ATP8B1: variants seen among roughly 807,000 people sequenced by gnomAD.
The protein encoded by ATP8B1 is phospholipid-transporting ATPase IC.
ATP8B1 carries 80 observed loss-of-function variants against 149.9 expected under a neutral mutation model. The observed-to-expected ratio is 0.53, with a 90% confidence interval of 0.45 to 0.64. The LOEUF (loss-of-function observed/expected upper bound fraction) is 0.64, where lower values mean the gene tolerates loss of function less well. Among genes scored for constraint, ATP8B1 ranks in the 30% least tolerant of loss-of-function variants. ATP8B1 has a pLI of 0.00. For missense variants in ATP8B1, 1,247 were observed against 1,552.6 expected, an observed-to-expected ratio of 0.80 and a Z score of 3.31; for synonymous variants, 536 against 562.8, an observed-to-expected ratio of 0.95 and a Z score of 0.67.
chr18:57,770,064 T>G (rs973856446), intron 1 of ATP8B1, among the ~76,000 whole-genome samples: 3 of 120,032 alleles, frequency 2.5e-5, no homozygotes, highest in Non-Finnish European at 3.4e-5. Context: ...ACTGCTGAAC[T>G]GCATTTTTTT....
chr18:57,679,426 A>C (rs917581401), intron 15 of ATP8B1, among the ~76,000 whole-genome samples: 1 of 152,062 alleles, frequency 6.6e-6, no homozygotes, highest in Non-Finnish European at 1.5e-5. Context: ...AACAAAAACA[A>C]AGCAACCTTC....
At chr18:57,727,068 G>A (rs964957166) in intron 2 of ATP8B1, among the ~76,000 whole-genome samples, 5 of 152,116 alleles carry the variant, frequency 3.3e-5, no homozygotes, top group African/African-American at 1.2e-4. Flanking sequence ...CAACAAGAGC[G>A]AGATTCTGTC....
At chr18:57,774,929 C>T (rs2080293858) in intron 1 of ATP8B1, among the ~76,000 whole-genome samples, 1 of 152,172 alleles carries the variant, frequency 6.6e-6, no homozygotes, top group Non-Finnish European at 1.5e-5. Context: ...ATGCCAACTC[C>T]ATAGGGGCAG....
intron 8 of ATP8B1, 115 bp from the exon 9 acceptor site, chr18:57,695,647 G>A: frequency 1.2e-6 from 1 of 827,202 alleles, no homozygotes; most frequent in Non-Finnish European, 2.0e-6. Flanking sequence ...ATAATTAGCT[G>A]TTTCTATTTT....
Position 57,695,317 on chromosome 18 carries a change from C to T in ATP8B1, c.794G>A (p.Cys265Tyr). 4 of 1,601,352 alleles carry T rather than the reference C, an allele frequency of 2.5e-6. No individual in the cohort carries two copies. Among genetic ancestry groups the T allele is most frequent in the Non-Finnish European group, 3.4e-6 (4 of 1,168,498 alleles). ...TLATFDGFIE[C>Y]EEPNNRLDKF... The stretch of plus-strand genomic sequence containing the variant: ...ATCTAGTCTGTTATTGGGTTCTTCA[C>T]ATTCAATAAAACCTTTTAAAAATAT... Residue 265 changes from cysteine to tyrosine, a missense_variant, in exon 10 of 28, where the codon TGT becomes TAT. Cys to Tyr is a radical substitution (Grantham distance 194). Transcript: ENST00000648908.
intron 1 of ATP8B1, among the ~76,000 whole-genome samples, chr18:57,771,109 C>T (rs1433115751): frequency 6.6e-6 from 1 of 152,242 alleles, no homozygotes; most frequent in East Asian, 1.9e-4. Flanking sequence ...GATCTGCCCA[C>T]CTCAGCCTCC....
At chr18:57,774,250 A>G (rs528445691) in intron 1 of ATP8B1, among the ~76,000 whole-genome samples, 17 of 152,312 alleles carry the variant, frequency 1.1e-4, no homozygotes, top group African/African-American at 3.6e-4. Flanking sequence ...CAGCCTTGCC[A>G]GTCCCCCTTC....
rs1347910820 is a variant in ATP8B1, at chr18:57,669,464, G to A, written c.1951C>T (p.Leu651Phe). The change falls in exon 18 of 28, where the codon CTT (leucine) becomes TTT (phenylalanine). Residue 651 changes from leucine to phenylalanine, a missense_variant. Around this residue, in one of 3 missense-constraint regions of ATP8B1, gnomAD observed 853 missense variants for 1,035.7 expected, o/e 0.82. Coordinates refer to ENST00000648908, the MANE Select transcript of ATP8B1 (RefSeq NM_001374385.1). ...TTGTAGCAAAGGCATAGGGTTCTAA[G>A]AGTTTCATTTGCAAAGATCTGTTTT... Reference protein sequence around the residue: ...DALDIFANETLRTLCLCYKEI... With the variant: ...DALDIFANETFRTLCLCYKEI... 6.2e-7 allele frequency: 1 copy of A among 1,612,618 alleles called. No individual in the cohort carries two copies.
At chr18:57,753,641 A>G (rs2080044421) in intron 1 of ATP8B1, among the ~76,000 whole-genome samples, 1 of 152,186 alleles carries the variant, frequency 6.6e-6, no homozygotes. Context: ...AAAAAATGAA[A>G]TACAGGCCGG....
intron 16 of ATP8B1, among the ~76,000 whole-genome samples, chr18:57,673,622 ATG>A (rs755090983): frequency 6.6e-6 from 1 of 151,512 alleles, no homozygotes; most frequent in Non-Finnish European, 1.5e-5. Context: ...GTACATATAT[ATG>A]TGTGTATATA....
chr18:57,650,643 G>C, intron 26 of ATP8B1, 146 bp from the exon 27 acceptor site: 2 of 928,228 alleles, frequency 2.2e-6, no homozygotes, highest in South Asian at 2.7e-5. Flanking sequence ...AGGAGTTCGA[G>C]ACCAGCCTGG....
chr18:57,795,988 G>T (rs926171611), intron 1 of ATP8B1, among the ~76,000 whole-genome samples: 1 of 152,030 alleles, frequency 6.6e-6, no homozygotes, highest in Non-Finnish European at 1.5e-5. Flanking sequence ...GGCCAACATG[G>T]TGAAACCCTG....
At chr18:57,664,069 C>CT (rs10598901) in intron 20 of ATP8B1, among the ~76,000 whole-genome samples, 1 of 133,762 alleles carries the variant, frequency 7.5e-6, no homozygotes, top group Non-Finnish European at 1.6e-5. Flanking sequence ...CTGGCCAGCC[C>CT]TTTTTTTTTT....
At chr18:57,689,909 A>C (rs2122859114) in intron 12 of ATP8B1, among the ~76,000 whole-genome samples, 1 of 152,304 alleles carries the variant, frequency 6.6e-6, no homozygotes, top group African/African-American at 2.4e-5. Context: ...CCAGCCACTA[A>C]GGAGGCTGAG....
chr18:57,784,520 G>A lies in ATP8B1; in HGVS notation c.-26+18478C>T, dbSNP rs1360729171. On this transcript the variant is annotated intron_variant, in intron 1 of 27. Transcript: ENST00000648908. The surrounding 1 kb of genome is among the most constrained non-coding windows in gnomAD (Gnocchi z 4.4). The stretch of plus-strand genomic sequence containing the variant: ...TGGAGACGGATTGGAAATGAAAGCA[G>A]GGTGCAGTCTGGAAGAGAAAGGGGT... Among the ~76,000 whole-genome samples the A allele has an allele frequency of 6.6e-6, 1 of 152,184 alleles. No individual in the cohort carries two copies. The highest frequency in any genetic ancestry group is 6.5e-5 in the Admixed American group (1 of 15,280).
In ATP8B1 at chr18:57,656,238, T is replaced by C. The variant is rs137866372; in HGVS notation, c.2708-821A>G. Among the ~76,000 whole-genome samples, 300 of 152,298 alleles carry C rather than the reference T, an allele frequency of 2.0e-3. 1 individual carries two copies. The highest frequency in any genetic ancestry group is 6.4e-3 in the African/African-American group (266 of 41,584). On this transcript the variant is annotated intron_variant, in intron 22 of 27. Transcript: ENST00000648908. Reference sequence around the variant, plus strand: ...TCTTGCTTAAATACCAACTGGGGTCTGTTTCCTGTGCTAAACCCTGACTGA... The same window carrying C: ...TCTTGCTTAAATACCAACTGGGGTCCGTTTCCTGTGCTAAACCCTGACTGA...
At chr18:57,748,749 G>T (rs1317532692) in intron 1 of ATP8B1, among the ~76,000 whole-genome samples, 1 of 152,194 alleles carries the variant, frequency 6.6e-6, no homozygotes, top group African/African-American at 2.4e-5. Flanking sequence ...AGAACTAAAT[G>T]ACCATGTTTT....
chr18:57,793,450 T>C (rs931895200), intron 1 of ATP8B1, among the ~76,000 whole-genome samples: 1 of 151,980 alleles, frequency 6.6e-6, no homozygotes, highest in African/African-American at 2.4e-5. Flanking sequence ...GGGAGCCTTC[T>C]GCCTGGACTG....
Position 57,661,464 on chromosome 18 carries a change from T to G in ATP8B1, c.2419-2A>C, listed in dbSNP as rs775827850. On this transcript the variant is annotated splice_acceptor_variant, in intron 21 of 27. Transcript: ENST00000648908. LOFTEE classifies it high-confidence loss of function. ...CTTTTTCTCGAGAAGAATTTCATTC[T>G]GTGAAATCAGAGAGGGAAAAGGTTA... The G allele has an allele frequency of 6.2e-7, 1 of 1,613,314 alleles. No individual in the cohort carries two copies. Among genetic ancestry groups the G allele is most frequent in the South Asian group, 1.1e-5 (1 of 90,986 alleles).
Sources: gnomAD v4.1 joint callset for allele counts (sites outside exome capture counted in the v4.1 genomes callset) on GRCh38, gnomAD v4.1.1 for gene constraint, gnomAD v4.1.1 regional missense constraint, Gnocchi (gnomAD v3.1) non-coding constraint, MANE v1.5 for transcripts, NCBI Gene and HGNC (gene_info 2026-07-23, HGNC 2026-07-21) for gene names.